The following GPC5 variants were observed in gnomAD, a reference collection of about 807,000 sequenced individuals.
GPC5 encodes the protein glypican 5.
GPC5 carries 47 observed loss-of-function variants against 53.9 expected under a neutral mutation model. The observed-to-expected ratio is 0.87, with a 90% CI of 0.69 to 1.11. The LOEUF is 1.11. GPC5 is among the 50% of genes most tolerant of loss of function. The probability of loss-of-function intolerance (pLI) is 0.00; values close to 1 mark genes in which losing one functional copy is unlikely to be tolerated. For missense variants in GPC5, 748 were observed against 713.1 expected (o/e 1.05, Z -0.56); for synonymous variants, 286 against 263.3 (o/e 1.09, Z -0.84).
At chr13:92,759,693 A>G (rs759921558) in intron 7 of GPC5, among the ~76,000 whole-genome samples, 21 of 152,032 alleles carry the variant, frequency 1.4e-4, no homozygotes, top group Non-Finnish European at 2.8e-4. Context: ...TCTGATTTAA[A>G]TATCTTTTAT....
chr13:92,132,557 C>T (rs757574045), intron 6 of GPC5, among the ~76,000 whole-genome samples: 4 of 151,960 alleles, frequency 2.6e-5, no homozygotes, highest in Admixed American at 6.6e-5. Context: ...CAGGTGTGTC[C>T]GCCCAGTCTC....
intron 2 of GPC5, among the ~76,000 whole-genome samples, chr13:91,646,792 C>G (rs1355674976): frequency 6.6e-6 from 1 of 151,942 alleles, no homozygotes; most frequent in African/African-American, 2.4e-5. Flanking sequence ...TAAATGTGAT[C>G]AGAAACAAGA....
rs1878561133 is a variant in GPC5, at chr13:91,420,746, G to A, written c.163+21537G>A. Among the ~76,000 whole-genome samples the A allele has an allele frequency of 2.0e-5, 3 of 152,306 alleles. No individual in the cohort carries two copies. The South Asian group carries it at 6.2e-4, about 32-fold the overall frequency. ...TTCCCCCATGCTATAGAGATAGTGA[G>A]TGAGTTCTCACAAGAGCTGATGGTT... On this transcript the variant is annotated intron_variant, in intron 1 of 7. Coordinates refer to ENST00000377067, the MANE Select transcript of GPC5 (RefSeq NM_004466.6).
chr13:92,710,429 T>C (rs1213672239), intron 7 of GPC5, among the ~76,000 whole-genome samples: 1 of 152,202 alleles, frequency 6.6e-6, no homozygotes, highest in Admixed American at 6.5e-5. Flanking sequence ...CATGATGTTA[T>C]CAGAATTGCA....
intron 7 of GPC5, among the ~76,000 whole-genome samples, chr13:92,393,989 C>T (rs1022441435): frequency 2.6e-5 from 4 of 152,052 alleles, no homozygotes; most frequent in East Asian, 1.9e-4. Context: ...GTAGTAGAGG[C>T]TTTCTGTCCT....
chr13:91,932,945 T>G (rs920164707), intron 6 of GPC5, among the ~76,000 whole-genome samples: 1 of 151,984 alleles, frequency 6.6e-6, no homozygotes, highest in Non-Finnish European at 1.5e-5. Context: ...AATAAGTTCA[T>G]AAAATCTAGG....
At chr13:91,615,211 G>A (rs1289189074) in intron 2 of GPC5, among the ~76,000 whole-genome samples, 1 of 152,158 alleles carries the variant, frequency 6.6e-6, no homozygotes, top group Non-Finnish European at 1.5e-5. Context: ...GTCTGTATGA[G>A]TAGTTTAATG....
chr13:92,765,524 C>T (rs971958283), intron 7 of GPC5, among the ~76,000 whole-genome samples: 3 of 152,160 alleles, frequency 2.0e-5, no homozygotes, highest in Non-Finnish European at 4.4e-5. Flanking sequence ...AGGTGTGACA[C>T]GGAGTGAGTG....
intron 7 of GPC5, among the ~76,000 whole-genome samples, chr13:92,505,781 A>ATG (rs1386841698): frequency 6.6e-6 from 1 of 152,156 alleles, no homozygotes; most frequent in East Asian, 1.9e-4. Context: ...AACAATTAAA[A>ATG]TGTGTGCATT....
chr13:91,973,416 C>A (rs1010134069), intron 6 of GPC5, among the ~76,000 whole-genome samples: 1 of 152,178 alleles, frequency 6.6e-6, no homozygotes, highest in Non-Finnish European at 1.5e-5. Flanking sequence ...GTTTGAATTT[C>A]CTCCTGTAGC....
intron 6 of GPC5, among the ~76,000 whole-genome samples, chr13:92,098,273 T>A (rs1360371398): frequency 1.3e-5 from 2 of 152,190 alleles, no homozygotes; most frequent in Non-Finnish European, 2.9e-5. Flanking sequence ...TGGTTTTCTG[T>A]TACTGCGTTA....
At chr13:92,482,298 C>G (rs1879388564) in intron 7 of GPC5, among the ~76,000 whole-genome samples, 1 of 152,190 alleles carries the variant, frequency 6.6e-6, no homozygotes, top group Admixed American at 6.5e-5. Flanking sequence ...AACAACATCT[C>G]TCTTTTGAAT....
Position 91,893,192 on chromosome 13 carries a change from G to A in GPC5, c.1281-14745G>A, listed in dbSNP as rs1049694708. ...GATTTGATAGTTTTATAAACTTTGC[G>A]TCAAATCCTAACACCTTGAAACATC... On this transcript the variant is annotated intron_variant, in intron 5 of 7. Transcript: ENST00000377067. Among the ~76,000 whole-genome samples, 63 of 152,034 alleles carry A rather than the reference G, an allele frequency of 4.1e-4. 1 individual carries two copies. The highest frequency in any genetic ancestry group is 1.3e-3 in the African/African-American group (55 of 41,530).
chr13:91,977,420 A>G (rs182523169), intron 6 of GPC5, among the ~76,000 whole-genome samples: 30 of 152,288 alleles, frequency 2.0e-4, no homozygotes, highest in African/African-American at 7.2e-4. Context: ...CCCTTTTTAG[A>G]CAGATATTTT....
At chr13:91,435,443 T>A (rs149759724) in intron 1 of GPC5, among the ~76,000 whole-genome samples, 5,281 of 152,324 alleles carry the variant, frequency 0.035, 135 homozygotes, top group Non-Finnish European at 0.051. Flanking sequence ...ACTGAGATAA[T>A]CATATGGTTT....
rs1210106648 is a variant in GPC5, at chr13:91,830,795, A to ATATATATAATATATATCCTAT, written c.1280+74413_1280+74433dup. ...ATATATAAAATATATATATACTATT[A>ATATATATAATATATATCCTAT]TATATATAATATATATCCTATTATA... On this transcript the variant is annotated intron_variant, in intron 5 of 7. Transcript: ENST00000377067. Among the ~76,000 whole-genome samples, 9 of 63,458 alleles carry ATATATATAATATATATCCTAT rather than the reference A, an allele frequency of 1.4e-4. No individual in the cohort carries two copies. In the South Asian group the frequency reaches 0.011, roughly 76 times the overall value. 41.6% of individuals were successfully genotyped at this position (63,458 alleles called of 152,430 possible).
At chr13:92,212,370 A>AT (rs1320361124) in intron 7 of GPC5, among the ~76,000 whole-genome samples, 3 of 152,074 alleles carry the variant, frequency 2.0e-5, no homozygotes, top group African/African-American at 7.2e-5. Flanking sequence ...TTTACAGTAT[A>AT]TTTTTTCTAG....
At chr13:91,875,557 AT>A (rs1043901955) in intron 5 of GPC5, among the ~76,000 whole-genome samples, 1 of 151,946 alleles carries the variant, frequency 6.6e-6, no homozygotes, top group African/African-American at 2.4e-5. Context: ...GTTATTGAAC[AT>A]TTTTTTCCTC....
At chr13:91,942,513 T>C (rs2039936698) in intron 6 of GPC5, among the ~76,000 whole-genome samples, 2 of 152,088 alleles carry the variant, frequency 1.3e-5, no homozygotes, top group African/African-American at 2.4e-5. Flanking sequence ...AAAAAGCTAT[T>C]ACTTTCATAC....
Sources: gnomAD v4.1 joint callset for allele counts (sites outside exome capture counted in the v4.1 genomes callset) on GRCh38, gnomAD v4.1.1 for gene constraint, MANE v1.5 for transcripts, NCBI Gene and HGNC (gene_info 2026-07-23, HGNC 2026-07-21) for gene names.